Variants in NDUFAF7 observed in about 807,000 individuals in gnomAD.
NDUFAF7 encodes the protein protein arginine methyltransferase NDUFAF7, mitochondrial.
NDUFAF7 carries 48 observed loss-of-function variants against 47.2 expected under a neutral mutation model. The ratio of observed to expected loss-of-function variants is 1.02; its 90% CI spans 0.81 to 1.29. NDUFAF7 has a LOEUF of 1.29. Ranked by LOEUF, NDUFAF7 falls within the 50% of genes most tolerant of loss-of-function variation. NDUFAF7 has a pLI of 0.00. For synonymous variants in NDUFAF7, 217 were observed against 190.0 expected (o/e 1.14, Z -1.17); for missense variants, 635 against 537.6 (o/e 1.18, Z -1.79).
chr2:37,238,014 A>T (rs1220284582), intron 4 of NDUFAF7, 147 bp downstream of exon 4: 2 of 689,556 alleles, frequency 2.9e-6, no homozygotes, highest in African/African-American at 3.6e-5. Flanking sequence ...GTAATCAGTC[A>T]TTACTTACTG....
intron 2 of NDUFAF7, among the ~76,000 whole-genome samples, chr2:37,234,594 G>A (rs1304944405): frequency 6.6e-5 from 10 of 152,094 alleles, no homozygotes; most frequent in Admixed American, 5.9e-4. Context: ...CCTTATGAAC[G>A]GAACTAGAAA....
At chr2:37,236,645 GT>G (rs1273828345) in intron 3 of NDUFAF7, among the ~76,000 whole-genome samples, 2 of 151,976 alleles carry the variant, frequency 1.3e-5, no homozygotes, top group Non-Finnish European at 2.9e-5. Context: ...GCCGAGCGTG[GT>G]GGCGGTCGCC....
At chr2:37,264,078 CAT>C in the NDUFAF7 span, among the ~76,000 whole-genome samples, 1 of 152,176 alleles carries the variant, frequency 6.6e-6, no homozygotes. Context: ...TACATTACCA[CAT>C]AATCTAGGAA....
downstream of NDUFAF7, among the ~76,000 whole-genome samples, chr2:37,255,652 G>C (rs1394751119): frequency 1.3e-5 from 2 of 152,136 alleles, no homozygotes. Flanking sequence ...ATTCATTCAC[G>C]GAGCTCACAG....
At chr2:37,254,447 T>C (rs538824467), downstream of NDUFAF7, among the ~76,000 whole-genome samples, 1 of 152,338 alleles carries the variant, frequency 6.6e-6, no homozygotes, top group African/African-American at 2.4e-5. Context: ...AAATGAATCA[T>C]AAATGTTTAC....
chr2:37,261,734 T>C, the NDUFAF7 span, among the ~76,000 whole-genome samples: 13,097 of 152,040 alleles, frequency 0.086, 629 homozygotes, highest in African/African-American at 0.12. Context: ...GAGCTGAGAT[T>C]GCGCCATTGC....
At chr2:37,257,228 A>AT (rs1395512279), downstream of NDUFAF7, among the ~76,000 whole-genome samples, 2 of 152,340 alleles carry the variant, frequency 1.3e-5, no homozygotes, top group African/African-American at 2.4e-5. Context: ...TTCTTATGAA[A>AT]TAGAGTATGC....
At chr2:37,244,858 A>G (rs1249076995) in intron 7 of NDUFAF7, among the ~76,000 whole-genome samples, 1 of 152,216 alleles carries the variant, frequency 6.6e-6, no homozygotes, top group Non-Finnish European at 1.5e-5. Context: ...AGAACTACCA[A>G]GAACTAACCT....
chr2:37,247,429 C>T, intron 8 of NDUFAF7, 27 bp from the exon 9 acceptor site: 1 of 1,613,468 alleles, frequency 6.2e-7, no homozygotes, highest in Non-Finnish European at 8.5e-7. Flanking sequence ...CATAAAAGGG[C>T]AAAAATCTGA....
intron 8 of NDUFAF7, among the ~76,000 whole-genome samples, chr2:37,246,872 ATTTTT>A (rs112671242): frequency 1.3e-5 from 2 of 151,440 alleles, no homozygotes; most frequent in Non-Finnish European, 2.9e-5. Context: ...TTCTCAGGTG[ATTTTT>A]TTTTAAGTAA....
At chr2:37,266,729 C>T in the NDUFAF7 span, among the ~76,000 whole-genome samples, 2 of 152,134 alleles carry the variant, frequency 1.3e-5, no homozygotes, top group African/African-American at 4.8e-5. Context: ...CTCAGGTGAT[C>T]CACCCGCCTT....
the NDUFAF7 span, chr2:37,259,679 T>C: frequency 6.2e-7 from 1 of 1,604,642 alleles, no homozygotes; most frequent in Non-Finnish European, 8.5e-7. Flanking sequence ...AAGCAACAAG[T>C]ATCTGTTATG....
chr2:37,258,822 T>C, the NDUFAF7 span, among the ~76,000 whole-genome samples: 1 of 152,244 alleles, frequency 6.6e-6, no homozygotes, highest in Non-Finnish European at 1.5e-5. Context: ...CACCTATCTG[T>C]TGTCCTTAGT....
chr2:37,241,371 T>G (rs1276602396), intron 4 of NDUFAF7, among the ~76,000 whole-genome samples: 1 of 152,216 alleles, frequency 6.6e-6, no homozygotes, highest in Admixed American at 6.5e-5. Context: ...GAAACCAAAT[T>G]GTGCATTGTT....
intron 2 of NDUFAF7, among the ~76,000 whole-genome samples, chr2:37,233,941 C>T (rs1665476944): frequency 6.6e-6 from 1 of 152,212 alleles, no homozygotes; most frequent in African/African-American, 2.4e-5. Context: ...CTAGTAGCAT[C>T]AGCAATACCT....
At chr2:37,247,232 A>T in intron 8 of NDUFAF7, 3 of 575,094 alleles carry the variant, frequency 5.2e-6, no homozygotes, top group Non-Finnish European at 6.3e-6. Context: ...ATTTTTTTTT[A>T]TGGCTGTGTA....
intron 2 of NDUFAF7, 126 bp downstream of exon 2, chr2:37,232,392 C>T (rs1401617760): frequency 1.6e-6 from 2 of 1,229,422 alleles, no homozygotes; most frequent in Non-Finnish European, 2.4e-6. Flanking sequence ...AGAGCCATTT[C>T]TGAGGACCTG....
intron 7 of NDUFAF7, among the ~76,000 whole-genome samples, chr2:37,244,977 T>C (rs1666755336): frequency 6.6e-6 from 1 of 152,194 alleles, no homozygotes; most frequent in East Asian, 1.9e-4. Context: ...ATACATGTCA[T>C]CTTGAAGAGT....
chr2:37,243,923 C>T lies in NDUFAF7; in HGVS notation c.742C>T (p.Leu248=). The change falls in exon 7 of 10, where the codon CTG becomes TTG. Residue 248 remains leucine, a synonymous_variant. Transcript: ENST00000002125. ...CATTGATCCACAGGTTTCTGATAAA[C>T]TGAGGTTTGTTTTGGCACCTTCTGC... ...VDIDPQVSDK[L]RFVLAPSATP... 1 of 1,614,042 alleles carries T rather than the reference C, an allele frequency of 6.2e-7. No individual in the cohort carries two copies. The highest frequency in any genetic ancestry group is 1.1e-5 in the South Asian group (1 of 91,086).
Sources: allele counts gnomAD v4.1 joint callset (sites outside exome capture counted in the v4.1 genomes callset), GRCh38; gene constraint gnomAD v4.1.1; transcripts MANE v1.5; gene names NCBI Gene and HGNC (gene_info 2026-07-23, HGNC 2026-07-21).